Variants in MGAT5 observed in about 807,000 individuals in gnomAD.
MGAT5 encodes the protein alpha-1,6-mannosylglycoprotein 6-beta-N-acetylglucosaminyltransferase, also known as alpha-1,6-mannosylglycoprotein 6-beta-N-acetylglucosaminyltransferase A.
MGAT5 carries 30 observed loss-of-function variants against 94.3 expected under a neutral mutation model. The ratio of observed to expected loss-of-function variants is 0.32; its 90% confidence interval spans 0.24 to 0.43. The LOEUF (loss-of-function observed/expected upper bound fraction) is 0.43, where lower values mean the gene tolerates loss of function less well. MGAT5 is among the 20% of genes least tolerant of loss of function. MGAT5 has a pLI of 1.00. For synonymous variants in MGAT5, 310 were observed against 322.9 expected (o/e 0.96, Z 0.43); for missense variants, 691 against 905.5 (o/e 0.76, Z 3.04).
intron 5 of MGAT5, among the ~76,000 whole-genome samples, chr2:134,337,028 A>C (rs2105983433): frequency 6.6e-6 from 1 of 152,300 alleles, no homozygotes; most frequent in East Asian, 1.9e-4. Flanking sequence ...TGTAGCGCAG[A>C]GAGCAGCTGT....
intron 1 of MGAT5, among the ~76,000 whole-genome samples, chr2:134,243,117 G>A (rs139985895): frequency 1.3e-5 from 2 of 152,118 alleles, no homozygotes; most frequent in East Asian, 3.9e-4. Flanking sequence ...GGCCAATAGA[G>A]TTGTTATAGA....
chr2:134,345,559 G>C (rs984622277), intron 8 of MGAT5, among the ~76,000 whole-genome samples: 4 of 152,290 alleles, frequency 2.6e-5, no homozygotes, highest in Admixed American at 2.6e-4. Flanking sequence ...TGTGTACTCT[G>C]TGCAGTCTTT....
In MGAT5 at chr2:134,268,939, A is replaced by C. The variant is rs1296235803; in HGVS notation, c.242-1447A>C. Among the ~76,000 whole-genome samples the C allele has an allele frequency of 6.6e-6, 1 of 152,052 alleles. No homozygotes were observed. The highest frequency in any genetic ancestry group is 1.5e-5 in the Non-Finnish European group (1 of 68,024). On this transcript the variant is annotated intron_variant, in intron 1 of 15. Transcript: ENST00000281923. This position sits in a 1 kb window ranked among gnomAD's most constrained non-coding sequence, Gnocchi z 4.1. ...TTTCTTTTTTCTACCCAGGTTCTTG[A>C]CTTCTGATTGGTCCCATTGAGATGT...
At chr2:134,390,984 G>C (rs1292923241) in intron 10 of MGAT5, among the ~76,000 whole-genome samples, 1 of 152,034 alleles carries the variant, frequency 6.6e-6, no homozygotes, top group Admixed American at 6.6e-5. Context: ...TCGTTTCTTG[G>C]ACTCCTATTT....
At chr2:134,212,574 T>G (rs952954584) in intron 1 of MGAT5, among the ~76,000 whole-genome samples, 1 of 152,158 alleles carries the variant, frequency 6.6e-6, no homozygotes, top group African/African-American at 2.4e-5. Flanking sequence ...CTGGCTTATT[T>G]TTAACATAAC....
At chr2:134,229,446 CTGG>C (rs1328743772) in intron 1 of MGAT5, among the ~76,000 whole-genome samples, 1 of 152,172 alleles carries the variant, frequency 6.6e-6, no homozygotes. Context: ...TAACATCTTT[CTGG>C]TTCCTGTATT....
chr2:134,175,359 T>C (rs1309477233), intron 1 of MGAT5, among the ~76,000 whole-genome samples: 1 of 152,250 alleles, frequency 6.6e-6, no homozygotes, highest in Admixed American at 6.5e-5. Flanking sequence ...ATATTTGCTT[T>C]GGCTTGTGTT....
chr2:134,248,332 C>T (rs1034007673), intron 1 of MGAT5, among the ~76,000 whole-genome samples: 1 of 152,206 alleles, frequency 6.6e-6, no homozygotes, highest in Admixed American at 6.5e-5. Context: ...TTGGGGGCCT[C>T]ACAGACCCCA....
intron 1 of MGAT5, among the ~76,000 whole-genome samples, chr2:134,269,562 GGAGA>G (rs917866572): frequency 4.6e-5 from 7 of 152,200 alleles, no homozygotes; most frequent in African/African-American, 1.7e-4. Flanking sequence ...AATTTTTAGA[GGAGA>G]GAGTCTAAGC....
intron 2 of MGAT5, among the ~76,000 whole-genome samples, chr2:134,274,038 T>A (rs1684193827): frequency 6.6e-6 from 1 of 152,214 alleles, no homozygotes. Context: ...AGTTTTGTGA[T>A]CTTAAGTGAG....
At chr2:134,382,962 G>A (rs773558677) in intron 10 of MGAT5, among the ~76,000 whole-genome samples, 3 of 152,184 alleles carry the variant, frequency 2.0e-5, no homozygotes, top group Admixed American at 6.5e-5. Flanking sequence ...GTAAGAGCAC[G>A]CACTTCTATA....
chr2:134,221,888 C>T (rs1421842681), intron 1 of MGAT5, among the ~76,000 whole-genome samples: 1 of 152,032 alleles, frequency 6.6e-6, no homozygotes, highest in East Asian at 1.9e-4. Context: ...GTCCTCAGTC[C>T]CCCACTCTTA....
intron 2 of MGAT5, among the ~76,000 whole-genome samples, chr2:134,305,338 G>A (rs1686260506): frequency 6.6e-6 from 1 of 152,144 alleles, no homozygotes; most frequent in Non-Finnish European, 1.5e-5. Context: ...TGGCCAGATA[G>A]AATCCCTGTT....
intron 10 of MGAT5, among the ~76,000 whole-genome samples, chr2:134,368,809 C>T (rs1680596970): frequency 6.6e-6 from 1 of 152,190 alleles, no homozygotes; most frequent in African/African-American, 2.4e-5. Context: ...TCTCTGGCTC[C>T]TGGGCTGTAG....
intron 4 of MGAT5, among the ~76,000 whole-genome samples, chr2:134,329,466 T>C (rs1408057433): frequency 6.6e-6 from 1 of 152,010 alleles, no homozygotes; most frequent in Admixed American, 6.6e-5. Flanking sequence ...ATAATCACTT[T>C]AAAGGATTTC....
At chr2:134,323,434 C>G (rs1687446513) in intron 4 of MGAT5, among the ~76,000 whole-genome samples, 1 of 152,076 alleles carries the variant, frequency 6.6e-6, no homozygotes, top group African/African-American at 2.4e-5. Flanking sequence ...GGTCTTGAAA[C>G]CAGTCCCCAA....
intron 2 of MGAT5, among the ~76,000 whole-genome samples, chr2:134,283,708 T>C (rs955432296): frequency 1.4e-5 from 2 of 143,174 alleles, no homozygotes; most frequent in East Asian, 4.3e-4. Context: ...AATGTGGGTG[T>C]GTGGCTTTGA....
intron 14 of MGAT5, among the ~76,000 whole-genome samples, chr2:134,429,293 G>A (rs1484173393): frequency 2.6e-5 from 4 of 152,252 alleles, no homozygotes; most frequent in Non-Finnish European, 2.9e-5. Flanking sequence ...GGTTTGAGGA[G>A]ACTGAAACTG....
chr2:134,155,630 C>T (rs1211564540), intron 1 of MGAT5, among the ~76,000 whole-genome samples: 1 of 152,128 alleles, frequency 6.6e-6, no homozygotes, highest in African/African-American at 2.4e-5. Context: ...AAATTCAGGG[C>T]CATCCTTTTT....
Sources: allele counts gnomAD v4.1 joint callset (sites outside exome capture counted in the v4.1 genomes callset), GRCh38; gene constraint gnomAD v4.1.1; non-coding constraint Gnocchi (gnomAD v3.1); transcripts MANE v1.5; gene names NCBI Gene and HGNC (gene_info 2026-07-23, HGNC 2026-07-21).